Variants in TENM2 observed in about 807,000 individuals in gnomAD.
TENM2 encodes the protein teneurin-2.
In TENM2, 52 loss-of-function variants were observed where a neutral mutation model predicts 245.2. The observed-to-expected ratio is 0.21, with a 90% CI of 0.17 to 0.27. The LOEUF is 0.27. Ranked by LOEUF, TENM2 falls within the 10% of genes least tolerant of loss-of-function variation. TENM2 has a pLI of 1.00. For missense variants in TENM2, 3,046 were observed against 3,666.8 expected (o/e 0.83, Z 4.37); for synonymous variants, 1,363 against 1,438.9 (o/e 0.95, Z 1.19).
At chr5:168,058,220 G>T (rs1789726388) in intron 6 of TENM2, among the ~76,000 whole-genome samples, 1 of 152,240 alleles carries the variant, frequency 6.6e-6, no homozygotes, top group Middle Eastern at 3.4e-3. Context: ...CTTTGTTAAG[G>T]CTCTCACTTT....
chr5:167,200,404 T>C, the TENM2 span, among the ~76,000 whole-genome samples: 2 of 151,964 alleles, frequency 1.3e-5, no homozygotes, highest in Non-Finnish European at 2.9e-5. Flanking sequence ...TCTACTTCGT[T>C]TGTGGTCTCT....
Position 167,777,949 on chromosome 5 carries a change from G to T in TENM2, c.503-98037G>T, listed in dbSNP as rs570585447. ...ATCTAACCACCAGTTGCCTGTTTTT[G>T]TAAATAATGTTTTCTTGGAACATAG... On this transcript the variant is annotated intron_variant, in intron 2 of 28. Transcript: ENST00000518659. Among the ~76,000 whole-genome samples, 47 of 152,294 alleles carry T rather than the reference G, an allele frequency of 3.1e-4. 1 individual carries two copies. The South Asian group carries it at 8.7e-3, about 28-fold the overall frequency.
At chr5:167,961,646 G>C (rs763372770) in intron 4 of TENM2, among the ~76,000 whole-genome samples, 32 of 152,092 alleles carry the variant, frequency 2.1e-4, no homozygotes, top group Non-Finnish European at 4.0e-4. Flanking sequence ...TGCTTTACGT[G>C]CATTATCTCA....
chr5:167,464,865 T>A (rs1766542604), intron 2 of TENM2, among the ~76,000 whole-genome samples: 1 of 152,202 alleles, frequency 6.6e-6, no homozygotes, highest in African/African-American at 2.4e-5. Context: ...AAAAAAGCAC[T>A]TCACTATGCA....
chr5:167,648,792 A>G (rs1780143282), intron 2 of TENM2, among the ~76,000 whole-genome samples: 1 of 152,138 alleles, frequency 6.6e-6, no homozygotes, highest in African/African-American at 2.4e-5. Flanking sequence ...TACTAGTCAA[A>G]ATTGGTTTGA....
chr5:167,833,415 T>C (rs1768688607), intron 2 of TENM2, among the ~76,000 whole-genome samples: 1 of 152,138 alleles, frequency 6.6e-6, no homozygotes, highest in Admixed American at 6.5e-5. Flanking sequence ...ATATCCTCAA[T>C]CTTCCAGAGC....
chr5:167,818,647 G>T (rs1273830936), intron 2 of TENM2, among the ~76,000 whole-genome samples: 1 of 152,146 alleles, frequency 6.6e-6, no homozygotes, highest in African/African-American at 2.4e-5. Context: ...GGCAGTGAGG[G>T]TGTCCCAAGG....
At chr5:167,108,168 C>T in the TENM2 span, among the ~76,000 whole-genome samples, 1 of 152,148 alleles carries the variant, frequency 6.6e-6, no homozygotes, top group Non-Finnish European at 1.5e-5. Flanking sequence ...CTCTGTCACC[C>T]ACGCTGGAGT....
chr5:167,170,848 C>T, the TENM2 span, among the ~76,000 whole-genome samples: 10 of 152,318 alleles, frequency 6.6e-5, no homozygotes, highest in South Asian at 1.4e-3. Flanking sequence ...CAGGATTTGA[C>T]ACAGTGAATC....
chr5:167,194,459 T>C, the TENM2 span, among the ~76,000 whole-genome samples: 2 of 152,020 alleles, frequency 1.3e-5, no homozygotes, highest in African/African-American at 4.8e-5. Flanking sequence ...AATGCGAAAT[T>C]AACCTATCTT....
At chr5:167,342,637 C>T (rs1758183432) in intron 1 of TENM2, among the ~76,000 whole-genome samples, 1 of 147,370 alleles carries the variant, frequency 6.8e-6, no homozygotes, top group Admixed American at 6.9e-5. Context: ...ACGCCATTCT[C>T]CTGCCTCAGC....
At chr5:168,070,968 A>C (rs1790966533) in intron 7 of TENM2, among the ~76,000 whole-genome samples, 1 of 150,106 alleles carries the variant, frequency 6.7e-6, no homozygotes, top group Non-Finnish European at 1.5e-5. Flanking sequence ...AAGGAAGGGA[A>C]AGGGAAAGGG....
chr5:167,760,061 CTG>C (rs1053520046), intron 2 of TENM2, among the ~76,000 whole-genome samples: 1 of 152,170 alleles, frequency 6.6e-6, no homozygotes, highest in African/African-American at 2.4e-5. Context: ...TGGGTAGTCA[CTG>C]TAGGTATTTG....
chr5:167,955,311 GTTGT>G (rs1395027773), intron 4 of TENM2, among the ~76,000 whole-genome samples: 9 of 152,112 alleles, frequency 5.9e-5, no homozygotes, highest in Admixed American at 3.3e-4. Flanking sequence ...TTTTGATGGG[GTTGT>G]TTGTTTTTTT....
At chr5:168,067,525 A>T (rs1433568437) in intron 7 of TENM2, among the ~76,000 whole-genome samples, 1 of 152,138 alleles carries the variant, frequency 6.6e-6, no homozygotes, top group Non-Finnish European at 1.5e-5. Flanking sequence ...AGATTTATAG[A>T]TGGTGATTAG....
At chr5:167,462,585 A>T (rs1364183113) in intron 2 of TENM2, among the ~76,000 whole-genome samples, 1 of 151,976 alleles carries the variant, frequency 6.6e-6, no homozygotes, top group South Asian at 2.1e-4. Context: ...TGGAAAGGGG[A>T]TGGAGTGGGA....
intron 2 of TENM2, among the ~76,000 whole-genome samples, chr5:167,579,704 G>A (rs1455044297): frequency 6.6e-6 from 1 of 152,154 alleles, no homozygotes; most frequent in Middle Eastern, 3.2e-3. Flanking sequence ...AAATTTCTCT[G>A]TACCTCCCTT....
intron 2 of TENM2, among the ~76,000 whole-genome samples, chr5:167,500,627 T>C (rs1769152553): frequency 6.6e-6 from 1 of 152,172 alleles, no homozygotes; most frequent in South Asian, 2.1e-4. Flanking sequence ...TTTTCATCTC[T>C]ATCACTGGAC....
At chr5:167,760,691 C>A (rs143106620) in intron 2 of TENM2, among the ~76,000 whole-genome samples, 4 of 152,070 alleles carry the variant, frequency 2.6e-5, no homozygotes, top group Non-Finnish European at 4.4e-5. Flanking sequence ...TCTCACTCTG[C>A]CACCCAGGCT....
Sources: gnomAD v4.1 joint callset for allele counts (sites outside exome capture counted in the v4.1 genomes callset) on GRCh38, gnomAD v4.1.1 for gene constraint, MANE v1.5 for transcripts, NCBI Gene and HGNC (gene_info 2026-07-23, HGNC 2026-07-21) for gene names.